Variants in TNIP1 observed in about 807,000 individuals in gnomAD.
TNIP1 encodes the protein TNFAIP3-interacting protein 1.
Under a neutral mutation model 86.6 loss-of-function variants are expected in TNIP1, and 22 were observed. The ratio of observed to expected loss-of-function variants is 0.25; its 90% confidence interval spans 0.18 to 0.36. The LOEUF (loss-of-function observed/expected upper bound fraction) is 0.36, where lower values mean the gene tolerates loss of function less well. Among genes scored for constraint, TNIP1 ranks in the 10% least tolerant of loss-of-function variants. The pLI is 1.00. For synonymous variants in TNIP1, 294 were observed against 313.0 expected, an observed-to-expected ratio of 0.94 and a Z score of 0.64; for missense variants, 709 against 820.6, an observed-to-expected ratio of 0.86 and a Z score of 1.66.
At chr5:151,057,896 A>T (rs752541814) in intron 5 of TNIP1, among the ~76,000 whole-genome samples, 1 of 152,128 alleles carries the variant, frequency 6.6e-6, no homozygotes, top group Non-Finnish European at 1.5e-5. Flanking sequence ...CTACTACGCC[A>T]TTTTACATCA....
At chr5:151,068,268 T>C (rs1384472224) in intron 1 of TNIP1, among the ~76,000 whole-genome samples, 1 of 152,196 alleles carries the variant, frequency 6.6e-6, no homozygotes, top group Non-Finnish European at 1.5e-5. Flanking sequence ...CATGCCCAGA[T>C]GGTCAGCGGC....
intron 9 of TNIP1, among the ~76,000 whole-genome samples, chr5:151,045,496 A>G (rs999221458): frequency 1.3e-5 from 2 of 152,072 alleles, no homozygotes; most frequent in Non-Finnish European, 2.9e-5. Flanking sequence ...TCCCTAAAGC[A>G]TCTCTCAAGG....
At chr5:151,053,101 CTTTTTTTTTTTT>C (rs11390788) in intron 6 of TNIP1, among the ~76,000 whole-genome samples, 3 of 85,206 alleles carry the variant, frequency 3.5e-5, no homozygotes, top group South Asian at 5.4e-4. Flanking sequence ...AACTGTTTCT[CTTTTTTTTTTTT>C]TTTTTTTTTT....
rs932107461 is a variant in TNIP1 at position 151,056,699 on chromosome 5, G to A, written c.627+67C>T. ...GGTACCAGTGGATTCCCAGGAGCAG[G>A]AAGGTGGGAAGAGCTCGGGGGGAAG... is the stretch of plus-strand genomic sequence containing the variant. On this transcript the variant is annotated intron_variant, in intron 6 of 17. Coordinates refer to ENST00000521591, the MANE Select transcript of TNIP1 (RefSeq NM_006058.5). The A allele has an allele frequency of 1.4e-5, 20 of 1,391,354 alleles. No homozygotes were observed. In the East Asian group the frequency reaches 5.2e-4, roughly 36 times the overall value. 86.2% of individuals were successfully genotyped at this position (1,391,354 alleles called of 1,614,324 possible).
At chr5:151,082,823 A>G (rs1764123104), upstream of TNIP1, among the ~76,000 whole-genome samples, 1 of 152,172 alleles carries the variant, frequency 6.6e-6, no homozygotes. Context: ...AAACTCATTT[A>G]TTTATAAAGT....
intron 6 of TNIP1, among the ~76,000 whole-genome samples, chr5:151,054,747 C>G (rs34038142): frequency 1.3e-5 from 2 of 152,158 alleles, no homozygotes; most frequent in Non-Finnish European, 2.9e-5. Flanking sequence ...TAGCAGAGAG[C>G]CTTATGCTAT....
In TNIP1 at chr5:151,030,203, T is replaced by C. The variant is rs1036264559; in HGVS notation, c.*510A>G. On this transcript the variant is annotated 3_prime_UTR_variant, in exon 18 of 18. Coordinates refer to ENST00000521591, the MANE Select transcript of TNIP1 (RefSeq NM_006058.5). ...GCCCCAGAGCCAGAATATCCATCAT[T>C]CTCTTCTGTTCTGGAGACAAACCCA... 2.2e-6 allele frequency: 1 copy of C among 453,736 alleles called. No homozygotes were observed. The highest frequency in any genetic ancestry group is 2.0e-5 in the African/African-American group (1 of 50,052). 28.1% of individuals were successfully genotyped at this position (453,736 alleles called of 1,614,324 possible). A position where few individuals can be genotyped will look rare whatever the true frequency, so the allele number is the denominator to read the frequency against.
chr5:151,079,029 T>G (rs1008664707), intron 1 of TNIP1, among the ~76,000 whole-genome samples: 18 of 152,132 alleles, frequency 1.2e-4, no homozygotes, highest in African/African-American at 4.3e-4. Flanking sequence ...GGGGCAGGCA[T>G]CAACCTTCAG....
rs781300669 is a variant in TNIP1, at chr5:151,030,647, T to G, written c.*66A>C. 4.1e-5 allele frequency: 66 copies of G among 1,612,666 alleles called. No homozygotes were observed. In the East Asian group the frequency reaches 1.1e-3, roughly 27 times the overall value. ...CCACACCGTGCAAGTGGCTTCTAGT[T>G]TCTTGGCAATCTGAGATCAGCTGGC... is the stretch of plus-strand genomic sequence containing the variant. On this transcript the variant is annotated 3_prime_UTR_variant, in exon 18 of 18. Coordinates refer to ENST00000521591, the MANE Select transcript of TNIP1 (RefSeq NM_006058.5).
At chr5:151,069,128 C>T (rs958378313) in intron 1 of TNIP1, among the ~76,000 whole-genome samples, 7 of 152,202 alleles carry the variant, frequency 4.6e-5, no homozygotes, top group African/African-American at 1.7e-4. Context: ...AAGGAGCCAC[C>T]CACTAGCAGG....
chr5:151,042,657 A>T lies in TNIP1; in HGVS notation c.1017T>A (p.Arg339=). The part of the protein sequence containing the change: ...QQYEQKITEL[R]QKLADLQKQV... The stretch of plus-strand genomic sequence containing the variant: ...GCTTCTGCAAATCAGCCAGCTTCTG[A>T]CGCAGCTCAGTGATCTGGGTTCAGA... The change falls in exon 11 of 18, where the codon CGT becomes CGA. Residue 339 remains arginine (R), a synonymous_variant. Coordinates refer to ENST00000521591, the MANE Select transcript of TNIP1 (RefSeq NM_006058.5). 6.2e-7 allele frequency: 1 copy of T among 1,613,942 alleles called. No homozygotes were observed. Among genetic ancestry groups the T allele is most frequent in the Non-Finnish European group, 8.5e-7 (1 of 1,180,024 alleles).
intron 6 of TNIP1, among the ~76,000 whole-genome samples, chr5:151,052,578 C>G (rs919949669): frequency 6.6e-6 from 1 of 152,202 alleles, no homozygotes; most frequent in Non-Finnish European, 1.5e-5. Context: ...CAGCCTCCCC[C>G]AGCTGACTTC....
chr5:151,042,442 C>G, intron 11 of TNIP1, 98 bp downstream of exon 11: 1 of 1,514,364 alleles, frequency 6.6e-7, no homozygotes, highest in Non-Finnish European at 8.9e-7. Flanking sequence ...ACTAGACCCC[C>G]GGGTCTCCTG....
At chr5:151,077,116 T>C (rs3792782) in intron 1 of TNIP1, among the ~76,000 whole-genome samples, 57,820 of 152,168 alleles carry the variant, frequency 0.38, 13,199 homozygotes, top group Non-Finnish European at 0.52. Context: ...GACACCACCA[T>C]CTGACAAGGG....
chr5:151,057,649 G>A (rs1200050010), intron 5 of TNIP1, among the ~76,000 whole-genome samples: 2 of 152,136 alleles, frequency 1.3e-5, no homozygotes, highest in African/African-American at 2.4e-5. Flanking sequence ...CCAGGGAGTC[G>A]GAGGTTGCAG....
chr5:151,060,425 G>C (rs367735068), intron 4 of TNIP1, 30 bp from the exon 5 acceptor site: 1 of 1,610,836 alleles, frequency 6.2e-7, no homozygotes, highest in Non-Finnish European at 8.5e-7. Context: ...GGTGCTGCCC[G>C]AGAGAAAAAC....
Position 151,030,382 on chromosome 5 carries a change from G to T in TNIP1, c.*331C>A. ...GGAGGTTTTGAAGGAAGGGGGTCTT[G>T]GCTGCCTCCCACTCTTAGGATTGCT... is the stretch of plus-strand genomic sequence containing the variant. On this transcript the variant is annotated 3_prime_UTR_variant, in exon 18 of 18. Transcript: ENST00000521591. 4.2e-6 allele frequency: 2 copies of T among 480,280 alleles called. No homozygotes were observed. Among genetic ancestry groups the T allele is most frequent in the Non-Finnish European group, 7.7e-6 (2 of 260,204 alleles). The allele number at this position is 480,280 out of a possible 1,614,324, so 29.8% of individuals were successfully genotyped here.
intron 5 of TNIP1, among the ~76,000 whole-genome samples, chr5:151,059,551 C>T (rs1410415209): frequency 6.6e-6 from 1 of 151,888 alleles, no homozygotes; most frequent in African/African-American, 2.4e-5. Context: ...ACCTATTGCT[C>T]GCATAACAAC....
chr5:151,036,660 G>T, intron 13 of TNIP1, 130 bp downstream of exon 13: 1 of 1,350,764 alleles, frequency 7.4e-7, no homozygotes, highest in Non-Finnish European at 1.0e-6. Flanking sequence ...GCCAGTGGGG[G>T]GCCCTGGCCA....
Sources: allele counts gnomAD v4.1 joint callset (sites outside exome capture counted in the v4.1 genomes callset), GRCh38; gene constraint gnomAD v4.1.1; transcripts MANE v1.5; gene names NCBI Gene and HGNC (gene_info 2026-07-23, HGNC 2026-07-21).